UBE3C: variants seen among roughly 807,000 people sequenced by gnomAD.
The protein encoded by UBE3C is ubiquitin-protein ligase E3C.
Under a neutral mutation model 129.4 loss-of-function variants are expected in UBE3C, and 42 were observed. The ratio of observed to expected loss-of-function variants is 0.32; its 90% confidence interval spans 0.25 to 0.42. UBE3C has a LOEUF of 0.42. UBE3C is among the 10% of genes least tolerant of loss of function. UBE3C has a pLI of 1.00. For missense variants in UBE3C, 1,049 were observed against 1,319.1 expected, an observed-to-expected ratio of 0.80 and a Z score of 3.17; for synonymous variants, 510 against 492.4, an observed-to-expected ratio of 1.04 and a Z score of -0.47.
chr7:157,188,241 A>G (rs1808864226), intron 10 of UBE3C, among the ~76,000 whole-genome samples: 1 of 152,258 alleles, frequency 6.6e-6, no homozygotes. Context: ...CTTTGTTTTT[A>G]TAAAATGCCA....
intron 13 of UBE3C, among the ~76,000 whole-genome samples, chr7:157,215,224 T>C (rs761164174): frequency 7.2e-5 from 11 of 152,164 alleles, no homozygotes; most frequent in Non-Finnish European, 1.0e-4. Flanking sequence ...CACGGGTAGG[T>C]CATTCAAGGG....
At chr7:157,187,516 G>A (rs1309283721) in intron 10 of UBE3C, among the ~76,000 whole-genome samples, 3 of 151,404 alleles carry the variant, frequency 2.0e-5, no homozygotes, top group South Asian at 2.1e-4. Flanking sequence ...TGAGTAGCTG[G>A]GACCACAGGT....
chr7:157,225,167 C>T (rs568288295), intron 16 of UBE3C, among the ~76,000 whole-genome samples: 253 of 151,900 alleles, frequency 1.7e-3, no homozygotes, highest in Non-Finnish European at 2.9e-3. Context: ...TGTGCCTGGC[C>T]GGATTTTTAA....
In UBE3C at chr7:157,139,256, T is replaced by G. The variant is rs1380060679; in HGVS notation, c.-17T>G. Reference sequence around the variant, plus strand: ...CTTCCGCGGCGGCGCTGCCCGCACATGGGCTAGGCTGCCAGGATGTTCAGC... The same window carrying G: ...CTTCCGCGGCGGCGCTGCCCGCACAGGGGCTAGGCTGCCAGGATGTTCAGC... On this transcript the variant is annotated 5_prime_UTR_variant, in exon 1 of 23. It removes an upstream start codon present in the reference 5' UTR. Transcript: ENST00000348165. 2 of 1,516,182 alleles carry G rather than the reference T, an allele frequency of 1.3e-6. No individual in the cohort carries two copies. The highest frequency in any genetic ancestry group is 1.4e-5 in the African/African-American group (1 of 69,732). The allele number at this position is 1,516,182 out of a possible 1,614,324, so 93.9% of individuals were successfully genotyped here.
chr7:157,170,131 TTTTC>T (rs1808326177), intron 3 of UBE3C, among the ~76,000 whole-genome samples, 169 bp from the exon 4 acceptor site: 1 of 151,834 alleles, frequency 6.6e-6, no homozygotes, highest in African/African-American at 2.4e-5. Flanking sequence ...TTTTTTTTTT[TTTTC>T]TTTTTAACCA....
chr7:157,242,742 G>C (rs1035329612), intron 18 of UBE3C, among the ~76,000 whole-genome samples: 23 of 151,980 alleles, frequency 1.5e-4, no homozygotes, highest in African/African-American at 5.6e-4. Flanking sequence ...GGAAGCCATA[G>C]AACTAGAAGT....
chr7:157,267,127 A>T (rs568531327), intron 22 of UBE3C, among the ~76,000 whole-genome samples: 19 of 152,254 alleles, frequency 1.2e-4, no homozygotes, highest in African/African-American at 3.8e-4. Flanking sequence ...GTAATTTTTT[A>T]AAAAAGCAAA....
In UBE3C at chr7:157,223,607, A is replaced by G. The variant is rs116256646; in HGVS notation, c.2100+256A>G. Among the ~76,000 whole-genome samples the G allele has an allele frequency of 3.5e-3, 527 of 152,314 alleles. 2 individuals carry two copies. The highest frequency in any genetic ancestry group is 0.012 in the African/African-American group (499 of 41,564). ...TATAGATTTCTTATAATGAGGGTCT[A>G]ACGTCATTTTTCTCTATTAAATTTT... is the stretch of plus-strand genomic sequence containing the variant. On this transcript the variant is annotated intron_variant, in intron 16 of 22. Transcript: ENST00000348165.
chr7:157,257,081 T>C, intron 22 of UBE3C, 37 bp downstream of exon 22: 1 of 1,609,998 alleles, frequency 6.2e-7, no homozygotes, highest in Non-Finnish European at 8.5e-7. Flanking sequence ...TAAAGACCAC[T>C]TCATAATAAG....
At position 157,264,516 on chromosome 7, in the gene UBE3C, T is replaced by TAC. The variant is rs139639074; in HGVS notation, c.3082-3052_3082-3051dup. The stretch of plus-strand genomic sequence containing the variant: ...GTGTGCGCCAACATGCTCGGCCTGT[T>TAC]ACACACACACACACACACCTGGTAT... On this transcript the variant is annotated intron_variant, in intron 22 of 22. Transcript: ENST00000348165. Among the ~76,000 whole-genome samples, 368 of 120,258 alleles carry TAC rather than the reference T, an allele frequency of 3.1e-3. 1 individual carries two copies. The highest frequency in any genetic ancestry group is 0.018 in the South Asian group (68 of 3,832). 78.9% of individuals were successfully genotyped at this position (120,258 alleles called of 152,430 possible).
At chr7:157,159,934 T>C (rs556706336) in intron 1 of UBE3C, among the ~76,000 whole-genome samples, 11 of 152,346 alleles carry the variant, frequency 7.2e-5, no homozygotes, top group African/African-American at 2.6e-4. Context: ...CTAATCTTCC[T>C]CTTAAACTAA....
intron 1 of UBE3C, among the ~76,000 whole-genome samples, chr7:157,145,424 A>G (rs1292979005): frequency 1.3e-5 from 2 of 152,210 alleles, no homozygotes; most frequent in East Asian, 1.9e-4. Context: ...AGGCTGAGGC[A>G]GGAGAATTGC....
intron 1 of UBE3C, among the ~76,000 whole-genome samples, chr7:157,161,285 A>T (rs1029942149): frequency 6.6e-6 from 1 of 152,206 alleles, no homozygotes; most frequent in Non-Finnish European, 1.5e-5. Context: ...TTTGTCTAAA[A>T]TTAGTTTCTA....
At chr7:157,203,202 T>A (rs978277868) in intron 11 of UBE3C, among the ~76,000 whole-genome samples, 13 of 152,218 alleles carry the variant, frequency 8.5e-5, no homozygotes, top group East Asian at 1.9e-4. Context: ...TTCATTTTTT[T>A]AATTGAATCT....
At chr7:157,228,235 T>G (rs1584803760) in intron 17 of UBE3C, among the ~76,000 whole-genome samples, 1 of 152,238 alleles carries the variant, frequency 6.6e-6, no homozygotes, top group African/African-American at 2.4e-5. Context: ...TTGATGGCTG[T>G]TCCTGCAGTT....
At chr7:157,217,697 C>T (rs62493429) in intron 14 of UBE3C, among the ~76,000 whole-genome samples, 9,965 of 152,116 alleles carry the variant, frequency 0.066, 465 homozygotes, top group Non-Finnish European at 0.099. Context: ...ATCAGCCGGG[C>T]GTGGTGGCAG....
intron 1 of UBE3C, among the ~76,000 whole-genome samples, chr7:157,160,548 G>A (rs1049426822): frequency 2.6e-5 from 4 of 152,086 alleles, no homozygotes; most frequent in Admixed American, 1.3e-4. Flanking sequence ...ATAGTTGATT[G>A]TATCATTTGT....
chr7:157,217,122 CCAACT>C, intron 14 of UBE3C, 151 bp downstream of exon 14: 1 of 574,192 alleles, frequency 1.7e-6, no homozygotes, highest in East Asian at 3.1e-5. Context: ...AACTCTTACG[CCAACT>C]TCTTAATGGA....
chr7:157,196,212 C>A (rs1165835330), intron 10 of UBE3C, among the ~76,000 whole-genome samples: 1 of 152,218 alleles, frequency 6.6e-6, no homozygotes, highest in Non-Finnish European at 1.5e-5. Context: ...ATAAATAATT[C>A]TCCTATGCAA....
Sources: gnomAD v4.1 joint callset for allele counts (sites outside exome capture counted in the v4.1 genomes callset) on GRCh38, gnomAD v4.1.1 for gene constraint, MANE v1.5 for transcripts, NCBI Gene and HGNC (gene_info 2026-07-23, HGNC 2026-07-21) for gene names.